OXNAD1: variants seen among roughly 807,000 people sequenced by gnomAD.
OXNAD1 encodes oxidoreductase NAD binding domain containing 1.
Under a neutral mutation model 32.9 loss-of-function variants are expected in OXNAD1, and 34 were observed. The ratio of observed to expected loss-of-function variants is 1.03; its 90% CI spans 0.79 to 1.38. OXNAD1 has a LOEUF of 1.38. Among genes scored for constraint, OXNAD1 ranks in the 40% most tolerant of loss-of-function variants. The probability of loss-of-function intolerance (pLI) is 0.00; values close to 1 mark genes in which losing one functional copy is unlikely to be tolerated. For synonymous variants in OXNAD1, 134 were observed against 135.2 expected, an observed-to-expected ratio of 0.99 and a Z score of 0.06; for missense variants, 407 against 379.4, an observed-to-expected ratio of 1.07 and a Z score of -0.60.
In OXNAD1 at chr3:16,297,228, A is replaced by G. The variant is rs1166640110; in HGVS notation, c.432+2231A>G. Among the ~76,000 whole-genome samples, 1 of 152,232 alleles carries G rather than the reference A, an allele frequency of 6.6e-6. No individual in the cohort carries two copies. The highest frequency in any genetic ancestry group is 1.5e-5 in the Non-Finnish European group (1 of 68,036). ...AGGATATGATGATGGCAAATAAGCA[A>G]TGAAAGGTATTGAAACATCGTTAAC... On this transcript the variant is annotated intron_variant, in intron 6 of 8. Transcript: ENST00000285083. The surrounding 1 kb of genome is among the most constrained non-coding windows in gnomAD (Gnocchi z 4.3).
Position 16,271,999 on chromosome 3 carries a change from T to A in OXNAD1, c.183+277T>A. The A allele has an allele frequency of 1.9e-6, 1 of 516,576 alleles. No individual in the cohort carries two copies. Among genetic ancestry groups the A allele is most frequent in the Non-Finnish European group, 3.4e-6 (1 of 289,912 alleles). 32.0% of individuals were successfully genotyped at this position (516,576 alleles called of 1,614,324 possible). ...ACTGAGGGAGCCATCCTCACAGGTATGATGTTTAGGGTTATGTTTTAGCAC... is the reference window on the plus strand; with the variant it reads ...ACTGAGGGAGCCATCCTCACAGGTAAGATGTTTAGGGTTATGTTTTAGCAC... On this transcript the variant is annotated intron_variant, in intron 4 of 8. Transcript: ENST00000285083. The surrounding 1 kb of genome is among the most constrained non-coding windows in gnomAD (Gnocchi z 4.6).
chr3:16,332,804 TTCTAA>T (rs10574940), intron 9 of OXNAD1, among the ~76,000 whole-genome samples: 103,673 of 151,570 alleles, frequency 0.68, 35,598 homozygotes, highest in Middle Eastern at 0.72. Context: ...CTTTATCTTC[TTCTAA>T]TCTTTTTGTT....
intron 5 of OXNAD1, among the ~76,000 whole-genome samples, chr3:16,294,009 A>G (rs1435070941): frequency 6.6e-6 from 1 of 152,160 alleles, no homozygotes; most frequent in African/African-American, 2.4e-5. Flanking sequence ...TTTTGTACCT[A>G]AATTCAGAAG....
Position 16,271,799 on chromosome 3 carries a change from C to A in OXNAD1, c.183+77C>A, listed in dbSNP as rs1364200868. The A allele has an allele frequency of 9.6e-6, 12 of 1,250,042 alleles. 1 individual carries two copies. The highest frequency in any genetic ancestry group is 1.4e-5 in the Non-Finnish European group (12 of 888,380). 77.4% of individuals were successfully genotyped at this position (1,250,042 alleles called of 1,614,324 possible). ...GGTTATGACTGGCTTATGGGTAAAGCATTAGATGAGTCTGGTCCTTTTGAA... is the reference window on the plus strand; with the variant it reads ...GGTTATGACTGGCTTATGGGTAAAGAATTAGATGAGTCTGGTCCTTTTGAA... On this transcript the variant is annotated intron_variant, in intron 4 of 8. Transcript: ENST00000285083. This position sits in a 1 kb window ranked among gnomAD's most constrained non-coding sequence, Gnocchi z 4.6.
In OXNAD1 at chr3:16,287,720, A is replaced by G. The variant is rs370528425; in HGVS notation, c.290+1272A>G. 6.6e-6 allele frequency among the ~76,000 whole-genome samples: 1 copy of G among 152,266 alleles called. No individual in the cohort carries two copies. Among genetic ancestry groups the G allele is most frequent in the African/African-American group, 2.4e-5 (1 of 41,556 alleles). On this transcript the variant is annotated intron_variant, in intron 5 of 8. Transcript: ENST00000285083. The surrounding 1 kb of genome is among the most constrained non-coding windows in gnomAD (Gnocchi z 4.8). ...CCTGTGCATTGGTTATTGTGCTGCC[A>G]CCGTGGTGTGCCTGCAAGTGTAATG...
rs773463026 is a variant in OXNAD1, at chr3:16,303,362, A to G, written c.785-46A>G. On this transcript the variant is annotated intron_variant, in intron 8 of 8. Coordinates refer to ENST00000285083, the MANE Select transcript of OXNAD1 (RefSeq NM_138381.5). The surrounding 1 kb of genome is among the most constrained non-coding windows in gnomAD (Gnocchi z 4.8). ...GGTTAGTCCTTCCTCATTTGCTGAT[A>G]CAACCATGTCTGGCTTAATTTGGTG... 3 of 1,601,736 alleles carry G rather than the reference A, an allele frequency of 1.9e-6. No homozygotes were observed. The highest frequency in any genetic ancestry group is 2.2e-5 in the East Asian group (1 of 44,784).
rs780750771 is a variant in OXNAD1 at position 16,302,914 on chromosome 3, C to T, written c.784+166C>T. On this transcript the variant is annotated intron_variant, in intron 8 of 8. Coordinates refer to ENST00000285083, the MANE Select transcript of OXNAD1 (RefSeq NM_138381.5). This position sits in a 1 kb window ranked among gnomAD's most constrained non-coding sequence, Gnocchi z 4.2. ...AAAAATGGATATTTAGTTGGGTTTA[C>T]TCATTATATACAGGTTTCCTATTGC... 6.6e-6 allele frequency among the ~76,000 whole-genome samples: 1 copy of T among 152,128 alleles called. No individual in the cohort carries two copies. The highest frequency in any genetic ancestry group is 6.5e-5 in the Admixed American group (1 of 15,276).
Position 16,284,956 on chromosome 3 carries a change from T to C in OXNAD1, c.184-1386T>C, listed in dbSNP as rs143861571. Among the ~76,000 whole-genome samples, 215 of 152,158 alleles carry C rather than the reference T, an allele frequency of 1.4e-3. No homozygotes were observed. Among genetic ancestry groups the C allele is most frequent in the African/African-American group, 4.8e-3 (198 of 41,516 alleles). On this transcript the variant is annotated intron_variant, in intron 4 of 8. Coordinates refer to ENST00000285083, the MANE Select transcript of OXNAD1 (RefSeq NM_138381.5). The surrounding 1 kb of genome is among the most constrained non-coding windows in gnomAD (Gnocchi z 4.1). ...CAGGAATGTACTAAAGGGAGGAAAA[T>C]TGAACATGAAGGAAAGGGCTGGTGG...
chr3:16,318,513 G>A (rs150940854), intron 9 of OXNAD1, among the ~76,000 whole-genome samples: 200 of 152,254 alleles, frequency 1.3e-3, no homozygotes, highest in African/African-American at 4.6e-3. Context: ...CTATGTAAAT[G>A]TTTAAAAATC....
downstream of OXNAD1, among the ~76,000 whole-genome samples, chr3:16,309,163 C>CTTGCTATATACCATAATATACTTAA (rs2067780976): frequency 6.6e-6 from 1 of 152,146 alleles, no homozygotes; most frequent in Non-Finnish European, 1.5e-5. Context: ...ACTTCAAATT[C>CTTGCTATATACCATAATATACTTAA]TTGCTATATA....
chr3:16,333,858 T>C (rs2070580289), intron 9 of OXNAD1, among the ~76,000 whole-genome samples: 1 of 152,140 alleles, frequency 6.6e-6, no homozygotes, highest in South Asian at 2.1e-4. Flanking sequence ...CAGAATCTCA[T>C]AAGAAAAATG....
At chr3:16,331,585 C>T (rs556210391) in intron 9 of OXNAD1, among the ~76,000 whole-genome samples, 3 of 152,132 alleles carry the variant, frequency 2.0e-5, no homozygotes, top group African/African-American at 7.2e-5. Flanking sequence ...CTAATTTATC[C>T]CACATGTTGC....
chr3:16,294,515 T>G (rs2066641431), intron 5 of OXNAD1, among the ~76,000 whole-genome samples: 1 of 152,224 alleles, frequency 6.6e-6, no homozygotes, highest in African/African-American at 2.4e-5. Flanking sequence ...GGCCTGGGCC[T>G]GAGCTTTTCT....
chr3:16,295,820 C>A (rs1226513848), intron 6 of OXNAD1, among the ~76,000 whole-genome samples: 1 of 152,142 alleles, frequency 6.6e-6, no homozygotes, highest in Non-Finnish European at 1.5e-5. Context: ...CAGCATTTTC[C>A]TGTTTCCTGG....
At chr3:16,278,127 T>C (rs2065477049) in intron 4 of OXNAD1, among the ~76,000 whole-genome samples, 3 of 148,966 alleles carry the variant, frequency 2.0e-5, no homozygotes, top group Admixed American at 6.6e-5. Context: ...TATGCATTCA[T>C]TTGTTCATTT....
At chr3:16,331,361 T>C (rs1290017836) in intron 9 of OXNAD1, among the ~76,000 whole-genome samples, 1 of 152,264 alleles carries the variant, frequency 6.6e-6, no homozygotes, top group African/African-American at 2.4e-5. Flanking sequence ...ACATTTCTTA[T>C]TTCCTTTTTC....
At position 16,335,328 on chromosome 3, in the gene OXNAD1, T is replaced by C. The variant is rs1027370165; in HGVS notation, c.*31-1784T>C. Among the ~76,000 whole-genome samples the C allele has an allele frequency of 6.6e-6, 1 of 152,108 alleles. No homozygotes were observed. Among genetic ancestry groups the C allele is most frequent in the South Asian group, 2.1e-4 (1 of 4,814 alleles). The stretch of plus-strand genomic sequence containing the variant: ...GAGCAGAAGATGAACGAAAATGGGC[T>C]GAGTGGGAAGGAATCAGCCCTTGGA... On this transcript the variant is annotated intron_variant, in intron 9 of 9. Transcript: ENST00000435829. This position sits in a 1 kb window ranked among gnomAD's most constrained non-coding sequence, Gnocchi z 4.7.
In OXNAD1 at chr3:16,265,451, C is replaced by A. The variant is rs1219822230; in HGVS notation, c.-213C>A. 2 of 153,450 alleles carry A rather than the reference C, an allele frequency of 1.3e-5. No individual in the cohort carries two copies. The highest frequency in any genetic ancestry group is 2.9e-5 in the Non-Finnish European group (2 of 68,656). The allele number at this position is 153,450 out of a possible 1,614,324, so 9.5% of individuals were successfully genotyped here. A position where few individuals can be genotyped will look rare whatever the true frequency, so the allele number is the denominator to read the frequency against. ...GAACAGTTCCCGTAGAATTTCGCTT[C>A]ACCGAGTGACCTTGAGCCCAGGGCG... On this transcript the variant is annotated 5_prime_UTR_variant, in exon 1 of 9. Coordinates refer to ENST00000285083, the MANE Select transcript of OXNAD1 (RefSeq NM_138381.5). The surrounding 1 kb of genome is among the most constrained non-coding windows in gnomAD (Gnocchi z 4.8).
rs972485633 is a variant in OXNAD1, at chr3:16,277,660, T to G, written c.183+5938T>G. Among the ~76,000 whole-genome samples, 2 of 152,194 alleles carry G rather than the reference T, an allele frequency of 1.3e-5. No homozygotes were observed. Among genetic ancestry groups the G allele is most frequent in the Non-Finnish European group, 2.9e-5 (2 of 68,034 alleles). On this transcript the variant is annotated intron_variant, in intron 4 of 8. Transcript: ENST00000285083. This position sits in a 1 kb window ranked among gnomAD's most constrained non-coding sequence, Gnocchi z 4.3. Reference sequence around the variant, plus strand: ...CTCAGAATTCCTAGCTAAAGGACTGTGTTGCTACTCTTGGAGTCGACAGGA... The same window carrying G: ...CTCAGAATTCCTAGCTAAAGGACTGGGTTGCTACTCTTGGAGTCGACAGGA...
Sources: gnomAD v4.1 joint callset for allele counts (sites outside exome capture counted in the v4.1 genomes callset) on GRCh38, gnomAD v4.1.1 for gene constraint, Gnocchi (gnomAD v3.1) non-coding constraint, MANE v1.5 for transcripts, NCBI Gene and HGNC (gene_info 2026-07-23, HGNC 2026-07-21) for gene names.